The following KCNJ10 variants were observed in gnomAD, a reference collection of about 807,000 sequenced individuals.
KCNJ10 encodes potassium inwardly rectifying channel subfamily J member 10.
In KCNJ10, 9 loss-of-function variants were observed where a neutral mutation model predicts 22.2. That is an observed-to-expected ratio of 0.40 (90% CI 0.24 to 0.71). The LOEUF (loss-of-function observed/expected upper bound fraction) is 0.71, where lower values mean the gene tolerates loss of function less well. Among genes scored for constraint, KCNJ10 ranks in the 30% least tolerant of loss-of-function variants. The pLI, the probability that KCNJ10 is intolerant of heterozygous loss-of-function variation, is 0.35. For synonymous variants in KCNJ10, 184 were observed against 187.3 expected, an observed-to-expected ratio of 0.98 and a Z score of 0.15; for missense variants, 337 against 482.7, an observed-to-expected ratio of 0.70 and a Z score of 2.83.
chr1:160,060,652 A>G (rs1649168977), intron 1 of KCNJ10, among the ~76,000 whole-genome samples: 2 of 152,186 alleles, frequency 1.3e-5, no homozygotes, highest in African/African-American at 4.8e-5. Context: ...CCACCCTCCC[A>G]GGCCCCAGCA....
At chr1:160,052,854 A>G (rs1648935674) in intron 1 of KCNJ10, among the ~76,000 whole-genome samples, 1 of 152,232 alleles carries the variant, frequency 6.6e-6, no homozygotes, top group Non-Finnish European at 1.5e-5. Flanking sequence ...GTCAGGAGGC[A>G]CTCAAAGCCA....
At chr1:160,069,434 A>G (rs1037894679) in intron 1 of KCNJ10, among the ~76,000 whole-genome samples, 13 of 152,136 alleles carry the variant, frequency 8.5e-5, no homozygotes, top group Middle Eastern at 3.2e-3. Context: ...GTGAGGGGCC[A>G]TGAGGAGGGA....
chr1:160,049,673 ATT>A (rs1397729161), intron 1 of KCNJ10, among the ~76,000 whole-genome samples: 30 of 71,536 alleles, frequency 4.2e-4, no homozygotes, highest in African/African-American at 8.7e-4. Context: ...CATTTTATTT[ATT>A]TATATATATA....
chr1:160,048,330 T>A lies in KCNJ10; in HGVS notation c.1-5798A>T, dbSNP rs114396963. Among the ~76,000 whole-genome samples, 1,360 of 147,892 alleles carry A rather than the reference T, an allele frequency of 9.2e-3. 7 individuals are homozygous for A. Among genetic ancestry groups the A allele is most frequent in the Middle Eastern group, 0.021 (6 of 288 alleles). On this transcript the variant is annotated intron_variant, in intron 1 of 1. Coordinates refer to ENST00000644903, the MANE Select transcript of KCNJ10 (RefSeq NM_002241.5). ...AGGCTTTGCTAATGCTGCAGATGCC[T>A]ACACCCTGTTTTCAGAAGGTAAGAA... is the stretch of plus-strand genomic sequence containing the variant.
chr1:160,068,156 G>A (rs1278449778), intron 1 of KCNJ10: 1 of 152,242 alleles, frequency 6.6e-6, no homozygotes, highest in Admixed American at 6.5e-5. Context: ...CCCATAGACT[G>A]GATGTGGGTC....
chr1:160,068,150 TA>T (rs1237632861), intron 1 of KCNJ10: 2 of 152,266 alleles, frequency 1.3e-5, no homozygotes, highest in East Asian at 3.9e-4. Context: ...TATGCACCCA[TA>T]GACTGGATGT....
intron 1 of KCNJ10, among the ~76,000 whole-genome samples, chr1:160,055,342 G>A (rs953098141): frequency 6.6e-6 from 1 of 152,188 alleles, no homozygotes; most frequent in African/African-American, 2.4e-5. Context: ...TCTCTCCAGT[G>A]TCACAGCTGA....
intron 1 of KCNJ10, among the ~76,000 whole-genome samples, chr1:160,068,346 T>C (rs1649372980): frequency 1.3e-5 from 2 of 152,014 alleles, no homozygotes; most frequent in Non-Finnish European, 2.9e-5. Context: ...ACTTGGCTGC[T>C]CAGGCTCTGA....
intron 1 of KCNJ10, among the ~76,000 whole-genome samples, chr1:160,058,439 A>C (rs892553372): frequency 4.6e-5 from 7 of 152,196 alleles, no homozygotes; most frequent in Admixed American, 3.9e-4. Context: ...TGGAAGGCAC[A>C]TCTCTCTCTA....
At chr1:160,051,381 C>T (rs575751405) in intron 1 of KCNJ10, among the ~76,000 whole-genome samples, 6 of 152,232 alleles carry the variant, frequency 3.9e-5, no homozygotes, top group African/African-American at 1.4e-4. Context: ...CTTCATATTT[C>T]ATCTTTTTAA....
chr1:160,056,464 A>G (rs1334538703), intron 1 of KCNJ10, among the ~76,000 whole-genome samples: 2 of 151,958 alleles, frequency 1.3e-5, no homozygotes, highest in African/African-American at 4.8e-5. Flanking sequence ...AGCTCGCTCT[A>G]CCTAGAACAT....
At chr1:160,069,188 C>T (rs1649393425) in intron 1 of KCNJ10, among the ~76,000 whole-genome samples, 1 of 152,214 alleles carries the variant, frequency 6.6e-6, no homozygotes, top group Non-Finnish European at 1.5e-5. Context: ...CCAGTGTTGT[C>T]CTTCTACCCA....
intron 1 of KCNJ10, chr1:160,067,961 G>A (rs899718014): frequency 2.1e-4 from 32 of 152,178 alleles, no homozygotes; most frequent in African/African-American, 7.5e-4. Flanking sequence ...GTCAAGGGAA[G>A]GAAGGTCCCC....
At chr1:160,051,352 T>A (rs1056237425) in intron 1 of KCNJ10, among the ~76,000 whole-genome samples, 8 of 152,200 alleles carry the variant, frequency 5.3e-5, no homozygotes, top group African/African-American at 1.7e-4. Context: ...ATGTATTGAA[T>A]GCCTACTGTA....
intron 1 of KCNJ10, among the ~76,000 whole-genome samples, chr1:160,056,077 C>A (rs968989711): frequency 2.6e-5 from 4 of 152,130 alleles, no homozygotes; most frequent in African/African-American, 4.8e-5. Context: ...TCTCTTCCCC[C>A]TCATCTGATT....
In KCNJ10 at chr1:160,067,307, C is replaced by A. The variant is rs79809271; in HGVS notation, c.-1+2715G>T. On this transcript the variant is annotated intron_variant, in intron 1 of 1. Coordinates refer to ENST00000644903, the MANE Select transcript of KCNJ10 (RefSeq NM_002241.5). ...AGGAAGAGGGGCCACCAGATGCACT[C>A]TCTCCCTAAAGAATGGTGGCAAACA... Among the ~76,000 whole-genome samples the A allele has an allele frequency of 1.1e-3, 171 of 152,278 alleles. 3 individuals are homozygous for A. The East Asian group carries it at 0.027, about 24-fold the overall frequency.
chr1:160,059,163 G>A (rs557457394), intron 1 of KCNJ10, among the ~76,000 whole-genome samples: 151 of 152,324 alleles, frequency 9.9e-4, no homozygotes, highest in African/African-American at 3.4e-3. Context: ...AGGACTGCTC[G>A]TAAGGGGTGC....
rs1461825149 is a variant in KCNJ10 at position 160,038,362 on chromosome 1, C to T, written c.*3031G>A. The T allele has an allele frequency of 1.3e-5, 2 of 152,188 alleles. No homozygotes were observed. The highest frequency in any genetic ancestry group is 4.8e-5 in the African/African-American group (2 of 41,440). 9.4% of individuals were successfully genotyped at this position (152,188 alleles called of 1,614,324 possible). The stretch of plus-strand genomic sequence containing the variant: ...TAAGTGGTAGATTTTCCAAGACTTC[C>T]CCTCCCTATTGTCCTCCGAGTTCCT... On this transcript the variant is annotated 3_prime_UTR_variant, in exon 2 of 2. Coordinates refer to ENST00000644903, the MANE Select transcript of KCNJ10 (RefSeq NM_002241.5).
At chr1:160,067,672 A>T (rs1240920313) in intron 1 of KCNJ10, among the ~76,000 whole-genome samples, 1 of 151,972 alleles carries the variant, frequency 6.6e-6, no homozygotes, top group South Asian at 2.1e-4. Flanking sequence ...CTTCCGTCCT[A>T]AATAACCTGT....
Sources: allele counts gnomAD v4.1 joint callset (sites outside exome capture counted in the v4.1 genomes callset), GRCh38; gene constraint gnomAD v4.1.1; transcripts MANE v1.5; gene names NCBI Gene and HGNC (gene_info 2026-07-23, HGNC 2026-07-21).